Variants in POLK observed in about 807,000 individuals in gnomAD.
POLK encodes the protein polymerase (DNA directed) kappa.
Under a neutral mutation model 94.0 loss-of-function variants are expected in POLK, and 76 were observed. The ratio of observed to expected loss-of-function variants is 0.81; its 90% confidence interval spans 0.67 to 0.98. POLK has a LOEUF of 0.98. POLK is among the 50% of genes least tolerant of loss of function. The pLI is 0.00. For synonymous variants in POLK, 349 were observed against 325.4 expected (o/e 1.07, Z -0.78); for missense variants, 954 against 1,010.1 (o/e 0.94, Z 0.75).
At chr5:75,546,173 A>G (rs1360498623) in intron 1 of POLK, among the ~76,000 whole-genome samples, 1 of 152,224 alleles carries the variant, frequency 6.6e-6, no homozygotes, top group East Asian at 1.9e-4. Flanking sequence ...CTAATAAGGT[A>G]TACAGTTGAT....
At chr5:75,511,798 G>T in exon 1 of POLK, 1 of 1,551,554 alleles carries the variant, frequency 6.4e-7, no homozygotes, top group Non-Finnish European at 8.7e-7. Context: ...AAAAGCAGGA[G>T]GAGCGGAGAA....
chr5:75,568,536 G>T, intron 3 of POLK: 2 of 182,830 alleles, frequency 1.1e-5, no homozygotes, highest in South Asian at 8.2e-5. Context: ...TTTCTTTCTC[G>T]TTGTAAAACT....
At chr5:75,554,486 C>A (rs922171866) in intron 3 of POLK, among the ~76,000 whole-genome samples, 3 of 151,286 alleles carry the variant, frequency 2.0e-5, no homozygotes, top group African/African-American at 7.3e-5. Flanking sequence ...ATATATCTTC[C>A]TTTCCCTTCA....
At chr5:75,542,375 C>G (rs556640478) in intron 1 of POLK, among the ~76,000 whole-genome samples, 1 of 151,892 alleles carries the variant, frequency 6.6e-6, no homozygotes, top group South Asian at 2.1e-4. Context: ...TCTCTTATTA[C>G]TTTTGGTATA....
chr5:75,511,252 C>A (rs1367890980), upstream of POLK: 1 of 1,604,428 alleles, frequency 6.2e-7, no homozygotes, highest in South Asian at 1.1e-5. Flanking sequence ...GCTCCCTCAG[C>A]TGCGCCGGAG....
intron 4 of POLK, among the ~76,000 whole-genome samples, chr5:75,572,835 A>G (rs953733488): frequency 2.0e-5 from 3 of 152,198 alleles, no homozygotes; most frequent in Non-Finnish European, 4.4e-5. Context: ...ACCAGTTAGA[A>G]TGGCGATCAT....
chr5:75,568,699 A>T (rs1771416276), intron 3 of POLK: 1 of 441,484 alleles, frequency 2.3e-6, no homozygotes, highest in Non-Finnish European at 4.5e-6. Flanking sequence ...TTTTAACATT[A>T]TAAAAGCAAT....
chr5:75,593,207 A>T (rs978554332), intron 11 of POLK, among the ~76,000 whole-genome samples: 1 of 149,772 alleles, frequency 6.7e-6, no homozygotes, highest in African/African-American at 2.5e-5. Flanking sequence ...TCTCGGCTCA[A>T]TGCAACCTCC....
chr5:75,582,075 C>A, intron 7 of POLK: 1 of 983,394 alleles, frequency 1.0e-6, no homozygotes, highest in Non-Finnish European at 1.2e-6. Flanking sequence ...TGGGAGACTT[C>A]AATCCTGTCC....
chr5:75,542,879 AT>A (rs1228448538), intron 1 of POLK, among the ~76,000 whole-genome samples: 1 of 146,840 alleles, frequency 6.8e-6, no homozygotes, highest in Non-Finnish European at 1.5e-5. Context: ...CGCCCAGCTA[AT>A]TTTTATATTT....
intron 9 of POLK, 88 bp from the exon 10 acceptor site, chr5:75,586,938 A>G: frequency 1.1e-6 from 1 of 889,232 alleles, no homozygotes; most frequent in Non-Finnish European, 1.8e-6. Flanking sequence ...TGAGAGCTCT[A>G]AAAGGTAATT....
exon 15 of POLK, chr5:75,600,376 GA>G (rs1773270788): frequency 6.6e-6 from 1 of 152,118 alleles, no homozygotes; most frequent in Non-Finnish European, 1.5e-5. Context: ...AATCACTGTG[GA>G]AAAATTTGTC....
intron 9 of POLK, among the ~76,000 whole-genome samples, chr5:75,586,422 AG>A (rs1772474074): frequency 6.6e-6 from 1 of 152,174 alleles, no homozygotes; most frequent in African/African-American, 2.4e-5. Context: ...GAATCATAAT[AG>A]GTTCACTAAA....
intron 4 of POLK, among the ~76,000 whole-genome samples, chr5:75,573,091 T>G (rs372726310): frequency 6.6e-6 from 1 of 152,044 alleles, no homozygotes; most frequent in Non-Finnish European, 1.5e-5. Flanking sequence ...CTATTCACAA[T>G]AGCAAAGACT....
chr5:75,548,199 G>A (rs931105589), intron 2 of POLK, among the ~76,000 whole-genome samples: 9 of 152,108 alleles, frequency 5.9e-5, no homozygotes, highest in Non-Finnish European at 7.4e-5. Context: ...TGGGATTATA[G>A]GCATGAGCTA....
chr5:75,607,752 A>T, the POLK span, among the ~76,000 whole-genome samples: 2 of 152,216 alleles, frequency 1.3e-5, no homozygotes, highest in Admixed American at 1.3e-4. Context: ...AAATTGTTTA[A>T]GCCATAGTTA....
chr5:75,552,893 C>T (rs1433967790), intron 3 of POLK, among the ~76,000 whole-genome samples: 1 of 152,024 alleles, frequency 6.6e-6, no homozygotes, highest in Non-Finnish European at 1.5e-5. Flanking sequence ...GGATTTAATC[C>T]AAAGCCTATG....
chr5:75,593,917 G>A, exon 12 of POLK: 2 of 1,602,306 alleles, frequency 1.2e-6, no homozygotes, highest in Non-Finnish European at 1.7e-6. Context: ...TGTGAATTTT[G>A]AAGTAAAAAC....
At chr5:75,528,288 G>T (rs1050611739) in intron 1 of POLK, among the ~76,000 whole-genome samples, 6 of 151,976 alleles carry the variant, frequency 3.9e-5, no homozygotes, top group African/African-American at 1.5e-4. Flanking sequence ...GGAAGAAAAG[G>T]TTACAAAGCA....
Sources: gnomAD v4.1 joint callset for allele counts (sites outside exome capture counted in the v4.1 genomes callset) on GRCh38, gnomAD v4.1.1 for gene constraint, MANE v1.5 for transcripts, NCBI Gene and HGNC (gene_info 2026-07-23, HGNC 2026-07-21) for gene names.